PRKRA: variants seen among roughly 807,000 people sequenced by gnomAD.
The protein encoded by PRKRA is protein activator of interferon induced protein kinase EIF2AK2.
Under a neutral mutation model 32.4 loss-of-function variants are expected in PRKRA, and 22 were observed. That is an observed-to-expected ratio of 0.68 (90% CI 0.49 to 0.97). PRKRA has a LOEUF of 0.97. Among genes scored for constraint, PRKRA ranks in the 50% least tolerant of loss-of-function variants. PRKRA has a pLI of 0.00. For missense variants in PRKRA, 319 were observed against 375.6 expected (o/e 0.85, Z 1.25); for synonymous variants, 139 against 129.8 (o/e 1.07, Z -0.48).
intron 1 of PRKRA, 109 bp from the exon 2 acceptor site, chr2:178,450,520 TC>T (rs1229397795): frequency 6.9e-7 from 1 of 1,454,798 alleles, no homozygotes; most frequent in African/African-American, 1.4e-5. Flanking sequence ...GGCGCCGAGT[TC>T]CCCGGAGGCC....
At chr2:178,437,073 A>G in intron 6 of PRKRA, among the ~76,000 whole-genome samples, 1 of 152,168 alleles carries the variant, frequency 6.6e-6, no homozygotes, top group East Asian at 1.9e-4. Context: ...ACTACTCTTA[A>G]TATTGTTTTA....
Position 178,441,529 on chromosome 2 carries a change from A to G in PRKRA, c.609+81T>C, listed in dbSNP as rs555887276. ...TAAAAATCACAACTCTGAAGTAGCTATAGAATAAGAAATCAAGGAAAGTTT... is the reference window on the plus strand; with the variant it reads ...TAAAAATCACAACTCTGAAGTAGCTGTAGAATAAGAAATCAAGGAAAGTTT... On this transcript the variant is annotated intron_variant, in intron 6 of 7. Coordinates refer to ENST00000325748, the MANE Select transcript of PRKRA (RefSeq NM_003690.5). 2.6e-5 allele frequency: 22 copies of G among 844,752 alleles called. No individual in the cohort carries two copies. In the African/African-American group the frequency reaches 4.2e-4, roughly 16 times the overall value. The allele number at this position is 844,752 out of a possible 1,614,324, so 52.3% of individuals were successfully genotyped here.
Position 178,432,267 on chromosome 2 carries a change from A to C in PRKRA, c.785-13T>G. On this transcript the variant is annotated splice_polypyrimidine_tract_variant and intron_variant, in intron 7 of 7. Coordinates refer to ENST00000325748, the MANE Select transcript of PRKRA (RefSeq NM_003690.5). ...GCGCTCAGTTCATCTGTAATGACACATTCAAGGATGACGATTAATGTCCAA... is the reference window on the plus strand; with the variant it reads ...GCGCTCAGTTCATCTGTAATGACACCTTCAAGGATGACGATTAATGTCCAA... 3 of 1,585,266 alleles carry C rather than the reference A, an allele frequency of 1.9e-6. No individual in the cohort carries two copies. Among genetic ancestry groups the C allele is most frequent in the East Asian group, 2.2e-5 (1 of 44,674 alleles).
intron 6 of PRKRA, chr2:178,438,744 T>A (rs1327249027): frequency 6.6e-6 from 1 of 151,114 alleles, no homozygotes; most frequent in Non-Finnish European, 1.5e-5. Flanking sequence ...GTGGCGTGGA[T>A]CTCTGCTCAC....
At position 178,443,305 on chromosome 2, in the gene PRKRA, T is replaced by C; in HGVS notation, c.476A>G (p.Tyr159Cys). The C allele has an allele frequency of 1.2e-6, 2 of 1,612,572 alleles. No individual in the cohort carries two copies. The highest frequency in any genetic ancestry group is 1.7e-6 in the Non-Finnish European group (2 of 1,178,646). Residue 159 changes from tyrosine (Y) to cysteine (C), a missense_variant, in exon 5 of 8, where the codon TAT becomes TGT. Coordinates refer to ENST00000325748, the MANE Select transcript of PRKRA (RefSeq NM_003690.5). ...TGACTCTAGCCTGCAAATTGTAGTA[T>C]ATTCTCTCTTATGAGCAGGTCCTCC... is the stretch of plus-strand genomic sequence containing the variant. ...QEGGPAHKRE[Y>C]TTICRLESFM... is the part of the protein sequence containing the mutation.
chr2:178,433,922 A>AGG (rs1696774832), intron 7 of PRKRA: 1 of 152,252 alleles, frequency 6.6e-6, no homozygotes. Context: ...AAAACTGGGA[A>AGG]GAAATGTTTC....
At chr2:178,450,121 C>G in intron 2 of PRKRA, 121 bp downstream of exon 2, 1 of 1,261,986 alleles carries the variant, frequency 7.9e-7, no homozygotes, top group Non-Finnish European at 1.2e-6. Flanking sequence ...TGAGAGGTCT[C>G]AGTTTCAGAG....
intron 1 of PRKRA, 65 bp downstream of exon 1, chr2:178,450,901 C>T (rs928340468): frequency 1.5e-5 from 18 of 1,229,704 alleles, no homozygotes; most frequent in Middle Eastern, 5.9e-4. Flanking sequence ...AGGGCCGGCT[C>T]CCCGCGCCCC....
At chr2:178,450,625 G>C in intron 1 of PRKRA, 1 of 1,454,884 alleles carries the variant, frequency 6.9e-7, no homozygotes, top group South Asian at 1.4e-5. Flanking sequence ...GAGGTCTTTA[G>C]AGAGAGCACT....
chr2:178,432,127 C>A lies in PRKRA; in HGVS notation c.912G>T (p.Gln304His). Residue 304 changes from glutamine (Q) to histidine (H), a missense_variant, in exon 8 of 8, where the codon CAG (glutamine) becomes CAT (histidine). By Grantham distance (24) the Gln-to-His change is conservative (BLOSUM62 0). Coordinates refer to ENST00000325748, the MANE Select transcript of PRKRA (RefSeq NM_003690.5). ...TTCTTTCTGCTATTATCTTTAAATA[C>A]TGCAAAGCATTGTGAGCTGCATCAC... ...AQSDAAHNAL[Q>H]YLKIIAERK 2 of 1,614,210 alleles carry A rather than the reference C, an allele frequency of 1.2e-6. No individual in the cohort carries two copies. Among genetic ancestry groups the A allele is most frequent in the Non-Finnish European group, 1.7e-6 (2 of 1,180,040 alleles).
intron 7 of PRKRA, chr2:178,433,904 T>C (rs1473355050): frequency 6.6e-6 from 1 of 152,256 alleles, no homozygotes; most frequent in East Asian, 1.9e-4. Context: ...AAGAACTATT[T>C]AGTTCTCAAA....
At chr2:178,436,095 C>T (rs1428900011) in intron 7 of PRKRA, 50 bp downstream of exon 7, 3 of 1,197,258 alleles carry the variant, frequency 2.5e-6, no homozygotes, top group East Asian at 4.4e-5. Flanking sequence ...TCCTCAAACA[C>T]ATTTTTAAAT....
At chr2:178,449,961 C>T (rs1697488762) in intron 2 of PRKRA, 1 of 517,874 alleles carries the variant, frequency 1.9e-6, no homozygotes, top group Non-Finnish European at 3.5e-6. Flanking sequence ...CTAAGAAGAA[C>T]CCTAGGAGGA....
chr2:178,450,853 G>C, intron 1 of PRKRA, 113 bp downstream of exon 1: 4 of 1,396,338 alleles, frequency 2.9e-6, no homozygotes, highest in Non-Finnish European at 3.7e-6. Flanking sequence ...CCGCGGAGGC[G>C]TGGGCGCCGG....
At chr2:178,450,935 G>A in intron 1 of PRKRA, 31 bp downstream of exon 1, 3 of 845,608 alleles carry the variant, frequency 3.5e-6, no homozygotes, top group Non-Finnish European at 4.8e-6. Flanking sequence ...AACGCTCCCG[G>A]CCCTGGGGCC....
At position 178,431,789 on chromosome 2, in the gene PRKRA, G is replaced by A; in HGVS notation, c.*308C>T. 2.5e-6 allele frequency: 1 copy of A among 403,424 alleles called. No homozygotes were observed. The highest frequency in any genetic ancestry group is 4.6e-6 in the Non-Finnish European group (1 of 217,472). The allele number at this position is 403,424 out of a possible 1,614,324, so 25.0% of individuals were successfully genotyped here. On this transcript the variant is annotated 3_prime_UTR_variant, in exon 8 of 8. Coordinates refer to ENST00000325748, the MANE Select transcript of PRKRA (RefSeq NM_003690.5). ...GCACCAGTAAGAAAGACTGTCGCTA[G>A]CATTTTTATTTCATCATCAACAACA...
At chr2:178,441,802 A>C in intron 5 of PRKRA, 98 bp from the exon 6 acceptor site, 9 of 781,334 alleles carry the variant, frequency 1.2e-5, no homozygotes, top group Non-Finnish European at 1.8e-5. Flanking sequence ...AGAGAACCTC[A>C]CGGTTTTTAT....
At chr2:178,436,623 G>A (rs1696908953) in intron 6 of PRKRA, among the ~76,000 whole-genome samples, 1 of 152,042 alleles carries the variant, frequency 6.6e-6, no homozygotes, top group Non-Finnish European at 1.5e-5. Flanking sequence ...CAAGATATCT[G>A]GAAGCACCAT....
intron 7 of PRKRA, among the ~76,000 whole-genome samples, chr2:178,434,354 GC>G (rs1696797707): frequency 2.0e-5 from 3 of 151,406 alleles, no homozygotes. Context: ...CAGGTGATCT[GC>G]CCGACTTGGC....
Sources: gnomAD v4.1 joint callset for allele counts (sites outside exome capture counted in the v4.1 genomes callset) on GRCh38, gnomAD v4.1.1 for gene constraint, MANE v1.5 for transcripts, NCBI Gene and HGNC (gene_info 2026-07-23, HGNC 2026-07-21) for gene names.